The following HYCC2 variants were observed in gnomAD, a reference collection of about 807,000 sequenced individuals.
HYCC2 encodes the protein hyccin 2.
the HYCC2 span, chr2:201,071,420 C>T: frequency 6.6e-6 from 1 of 152,656 alleles, no homozygotes; most frequent in Admixed American, 6.5e-5. Flanking sequence ...TCGGCTGCCG[C>T]CTTCTCCTCC....
the HYCC2 span, among the ~76,000 whole-genome samples, chr2:201,026,834 T>C: frequency 6.6e-6 from 1 of 152,206 alleles, no homozygotes; most frequent in African/African-American, 2.4e-5. Context: ...GGGAAATTTA[T>C]AGCACTAAAT....
chr2:201,045,873 C>T, the HYCC2 span, among the ~76,000 whole-genome samples: 4 of 152,124 alleles, frequency 2.6e-5, no homozygotes, highest in Non-Finnish European at 4.4e-5. Context: ...TCTGGAGCCT[C>T]ACTTGCATTA....
the HYCC2 span, among the ~76,000 whole-genome samples, chr2:201,026,393 TAGAC>T: frequency 6.6e-6 from 1 of 152,152 alleles, no homozygotes; most frequent in Non-Finnish European, 1.5e-5. Context: ...CTGTCAATAT[TAGAC>T]AGATCAATGA....
the HYCC2 span, among the ~76,000 whole-genome samples, chr2:201,033,055 T>C: frequency 4.6e-5 from 7 of 152,054 alleles, no homozygotes; most frequent in African/African-American, 1.7e-4. Flanking sequence ...ACTACTTTAC[T>C]GAAAAGGGCA....
the HYCC2 span, among the ~76,000 whole-genome samples, chr2:201,054,125 T>C: frequency 6.6e-6 from 1 of 152,226 alleles, no homozygotes; most frequent in African/African-American, 2.4e-5. Context: ...CCCAGTGCTA[T>C]ACGCATGCTC....
At chr2:200,996,074 C>G in the HYCC2 span, 1 of 149,638 alleles carries the variant, frequency 6.7e-6, no homozygotes, top group Non-Finnish European at 1.5e-5. Context: ...CTCTGTCGCC[C>G]AGGCTGGAGT....
chr2:201,033,541 C>T, the HYCC2 span, among the ~76,000 whole-genome samples: 1 of 151,712 alleles, frequency 6.6e-6, no homozygotes, highest in African/African-American at 2.4e-5. Context: ...GTAGCTGGGA[C>T]TACAGGCGCC....
the HYCC2 span, among the ~76,000 whole-genome samples, chr2:201,040,296 G>A: frequency 2.0e-5 from 3 of 152,108 alleles, no homozygotes; most frequent in East Asian, 5.8e-4. Flanking sequence ...GTGTACAGCA[G>A]CAGTTCTCAG....
At chr2:201,022,195 T>G in the HYCC2 span, 10 of 714,346 alleles carry the variant, frequency 1.4e-5, no homozygotes, top group Admixed American at 2.4e-4. Context: ...GTGATAAAAC[T>G]GTATGTCATA....
chr2:201,005,131 G>A, the HYCC2 span, among the ~76,000 whole-genome samples: 5 of 152,066 alleles, frequency 3.3e-5, no homozygotes, highest in Non-Finnish European at 7.4e-5. Flanking sequence ...AAAATAATTG[G>A]AACAATCAAA....
the HYCC2 span, chr2:200,975,242 G>T: frequency 2.6e-5 from 4 of 151,910 alleles, no homozygotes; most frequent in Non-Finnish European, 5.9e-5. Flanking sequence ...TACTTTATAT[G>T]TTAAAGAGGC....
the HYCC2 span, among the ~76,000 whole-genome samples, chr2:201,015,199 T>C: frequency 6.6e-6 from 1 of 152,210 alleles, no homozygotes; most frequent in African/African-American, 2.4e-5. Context: ...TGCCTTGTGC[T>C]GCCCAAGTCT....
the HYCC2 span, chr2:200,988,198 G>T: frequency 1.4e-6 from 2 of 1,430,820 alleles, no homozygotes. Context: ...TGCTAAGACA[G>T]TCTGTAAAAA....
the HYCC2 span, among the ~76,000 whole-genome samples, chr2:201,015,354 G>T: frequency 1.3e-5 from 2 of 151,942 alleles, no homozygotes; most frequent in Non-Finnish European, 2.9e-5. Context: ...TCCATGTAAA[G>T]CCCCTAGTAT....
chr2:200,981,118 G>A, the HYCC2 span: 16 of 893,860 alleles, frequency 1.8e-5, no homozygotes, highest in Admixed American at 2.8e-4. This position sits in a 1 kb window ranked among gnomAD's most constrained non-coding sequence, Gnocchi z 4.5. Context: ...CCTTATTGCT[G>A]TTTTGATACA....
the HYCC2 span, among the ~76,000 whole-genome samples, chr2:200,983,581 ACAC>A: frequency 6.6e-6 from 1 of 152,230 alleles, no homozygotes; most frequent in African/African-American, 2.4e-5. Context: ...GTAGCAGCTG[ACAC>A]CACTTCTCTC....
chr2:201,054,165 C>T, the HYCC2 span, among the ~76,000 whole-genome samples: 1 of 152,220 alleles, frequency 6.6e-6, no homozygotes, highest in African/African-American at 2.4e-5. Flanking sequence ...CTTAAAATCT[C>T]ATTAGGGGCT....
chr2:201,008,983 C>A, the HYCC2 span: 1 of 1,604,512 alleles, frequency 6.2e-7, no homozygotes, highest in Non-Finnish European at 8.5e-7. Flanking sequence ...CGGTTCTGTG[C>A]AGTGAATGTT....
chr2:201,046,911 C>T, the HYCC2 span, among the ~76,000 whole-genome samples: 1 of 151,958 alleles, frequency 6.6e-6, no homozygotes, highest in Admixed American at 6.6e-5. Flanking sequence ...TTAAAAATTA[C>T]TAAAAATACA....
Sources: gnomAD v4.1 joint callset for allele counts (sites outside exome capture counted in the v4.1 genomes callset) on GRCh38, gnomAD v4.1.1 for gene constraint, Gnocchi (gnomAD v3.1) non-coding constraint, MANE v1.5 for transcripts, NCBI Gene and HGNC (gene_info 2026-07-23, HGNC 2026-07-21) for gene names.